Variants in MGMT observed in about 807,000 individuals in gnomAD.
MGMT encodes O-6-methylguanine-DNA methyltransferase.
MGMT carries 14 observed loss-of-function variants against 15.9 expected under a neutral mutation model. That is an observed-to-expected ratio of 0.88 (90% CI 0.58 to 1.37). The LOEUF (loss-of-function observed/expected upper bound fraction) is 1.37. MGMT is among the 40% of genes most tolerant of loss of function. The pLI, the probability that MGMT is intolerant of heterozygous loss-of-function variation, is 0.00. For missense variants in MGMT, 282 were observed against 268.1 expected, an observed-to-expected ratio of 1.05 and a Z score of -0.36; for synonymous variants, 130 against 118.2, an observed-to-expected ratio of 1.10 and a Z score of -0.65.
intron 4 of MGMT, among the ~76,000 whole-genome samples, chr10:129,761,764 G>T (rs1848876573): frequency 6.6e-6 from 1 of 152,178 alleles, no homozygotes; most frequent in African/African-American, 2.4e-5. Flanking sequence ...GCCCTTCTCG[G>T]CGTCCACATG....
At chr10:129,634,507 T>A (rs941082514) in intron 2 of MGMT, among the ~76,000 whole-genome samples, 3 of 152,180 alleles carry the variant, frequency 2.0e-5, no homozygotes, top group African/African-American at 7.2e-5. Flanking sequence ...TGATAATCCT[T>A]CCTTCCTTTC....
chr10:129,685,261 A>G (rs1847892732), intron 2 of MGMT, among the ~76,000 whole-genome samples: 1 of 152,248 alleles, frequency 6.6e-6, no homozygotes, highest in Admixed American at 6.5e-5. Flanking sequence ...AATGACTTGA[A>G]CAAGACTGCT....
chr10:129,537,154 GAAA>G (rs374288290), intron 2 of MGMT: 2 of 132,528 alleles, frequency 1.5e-5, no homozygotes, highest in Non-Finnish European at 3.3e-5. Context: ...AGAAGAAGAA[GAAA>G]AAAAAAACAC....
intron 4 of MGMT, among the ~76,000 whole-genome samples, chr10:129,766,287 A>G (rs1001478287): frequency 1.3e-5 from 2 of 152,186 alleles, no homozygotes. Flanking sequence ...TTGCAAAAGC[A>G]GGTGGTGGGC....
chr10:129,605,169 TGAAA>T (rs1447543903), intron 2 of MGMT, among the ~76,000 whole-genome samples: 2 of 152,186 alleles, frequency 1.3e-5, no homozygotes, highest in African/African-American at 4.8e-5. Context: ...TACTGGCCAT[TGAAA>T]GAAAGAAAAA....
At chr10:129,587,707 A>C (rs1846633784) in intron 2 of MGMT, among the ~76,000 whole-genome samples, 1 of 151,682 alleles carries the variant, frequency 6.6e-6, no homozygotes, top group African/African-American at 2.4e-5. Context: ...AAGTGCTGGG[A>C]TTACAGGTGT....
chr10:129,630,191 C>G (rs577262481), intron 2 of MGMT, among the ~76,000 whole-genome samples: 3 of 152,308 alleles, frequency 2.0e-5, no homozygotes, highest in African/African-American at 4.8e-5. Context: ...CAACATCTCC[C>G]CCTTAGGAGC....
intron 2 of MGMT, among the ~76,000 whole-genome samples, chr10:129,642,855 C>T (rs573109828): frequency 2.8e-4 from 43 of 152,076 alleles, no homozygotes; most frequent in South Asian, 1.0e-3. Flanking sequence ...CCACCTGAGC[C>T]CCGAAGTTCA....
At chr10:129,523,829 G>A (rs1003075196) in intron 1 of MGMT, among the ~76,000 whole-genome samples, 1 of 152,184 alleles carries the variant, frequency 6.6e-6, no homozygotes, top group Non-Finnish European at 1.5e-5. Flanking sequence ...CTGGACTCAC[G>A]AGATTGTGTG....
At chr10:129,595,810 C>T (rs138875252) in intron 2 of MGMT, among the ~76,000 whole-genome samples, 451 of 152,194 alleles carry the variant, frequency 3.0e-3, no homozygotes, top group Middle Eastern at 6.8e-3. Flanking sequence ...CTGATGGTCA[C>T]GAGCCGTCGG....
chr10:129,767,862 C>T lies in MGMT; in HGVS notation c.*865C>T, dbSNP rs560905487. On this transcript the variant is annotated 3_prime_UTR_variant, in exon 5 of 5. Transcript: ENST00000651593. ...AGTCAAAGGTCACGACTGTGGGGGG[C>T]CAGCTCATGTCACTGATGGCAGCAG... 1.8e-3 allele frequency: 271 copies of T among 152,360 alleles called. No individual in the cohort carries two copies. Among genetic ancestry groups the T allele is most frequent in the Non-Finnish European group, 3.3e-3 (225 of 68,086 alleles). The allele number at this position is 152,360 out of a possible 1,614,324, so 9.4% of individuals were successfully genotyped here. A position where few individuals can be genotyped will look rare whatever the true frequency, so the allele number is the denominator to read the frequency against.
chr10:129,740,153 T>C (rs1848614442), intron 3 of MGMT, among the ~76,000 whole-genome samples: 1 of 152,178 alleles, frequency 6.6e-6, no homozygotes, highest in African/African-American at 2.4e-5. Context: ...GAAGTCGGGG[T>C]CCGGGAAAGG....
Position 129,627,497 on chromosome 10 carries a change from T to C in MGMT, c.126-80398T>C, listed in dbSNP as rs143362082. Among the ~76,000 whole-genome samples, 348 of 152,352 alleles carry C rather than the reference T, an allele frequency of 2.3e-3. 1 individual carries two copies. Among genetic ancestry groups the C allele is most frequent in the African/African-American group, 7.9e-3 (328 of 41,572 alleles). ...CCCGAGTGTATGATGGTAGTGACTTTGGTGTTCCTGGTGCAGACCTGTATT... is the reference window on the plus strand; with the variant it reads ...CCCGAGTGTATGATGGTAGTGACTTCGGTGTTCCTGGTGCAGACCTGTATT... On this transcript the variant is annotated intron_variant, in intron 2 of 4. Coordinates refer to ENST00000651593, the MANE Select transcript of MGMT (RefSeq NM_002412.5).
intron 2 of MGMT, among the ~76,000 whole-genome samples, chr10:129,672,452 A>G (rs1460564573): frequency 1.3e-5 from 2 of 152,092 alleles, no homozygotes. Flanking sequence ...ATTCCCTTGA[A>G]TTTCCTTCTT....
At chr10:129,631,972 A>G (rs1262611214) in intron 2 of MGMT, among the ~76,000 whole-genome samples, 1 of 152,190 alleles carries the variant, frequency 6.6e-6, no homozygotes, top group Admixed American at 6.5e-5. Flanking sequence ...CCTGGGCTGT[A>G]GCAGTCCTCC....
chr10:129,720,236 T>C (rs1427700386), intron 3 of MGMT, among the ~76,000 whole-genome samples: 2 of 152,242 alleles, frequency 1.3e-5, no homozygotes, highest in African/African-American at 4.8e-5. Context: ...CCCTACTCAC[T>C]GTTAAGCTCT....
intron 1 of MGMT, among the ~76,000 whole-genome samples, chr10:129,522,327 A>C (rs1405049132): frequency 6.6e-6 from 1 of 152,306 alleles, no homozygotes; most frequent in African/African-American, 2.4e-5. Flanking sequence ...GGACACAGGT[A>C]ATGCCTTTGC....
chr10:129,740,142 A>G (rs1430825150), intron 3 of MGMT, among the ~76,000 whole-genome samples: 1 of 152,262 alleles, frequency 6.6e-6, no homozygotes, highest in Non-Finnish European at 1.5e-5. Flanking sequence ...GTGTGGAGTT[A>G]GAAGTCGGGG....
rs141390585 is a variant in MGMT at position 129,720,891 on chromosome 10, C to T, written c.274+12848C>T. ...GAGAGCTCAGGGCATGGACCCCAAA[C>T]GCTTGGGTCTCTCCTCTTCCCTCTT... is the stretch of plus-strand genomic sequence containing the variant. On this transcript the variant is annotated intron_variant, in intron 3 of 4. Transcript: ENST00000651593. 9.0e-3 allele frequency among the ~76,000 whole-genome samples: 1,364 copies of T among 151,668 alleles called. 19 individuals carry two copies. The highest frequency in any genetic ancestry group is 0.03 in the African/African-American group (1,229 of 41,280).
Sources: gnomAD v4.1 joint callset for allele counts (sites outside exome capture counted in the v4.1 genomes callset) on GRCh38, gnomAD v4.1.1 for gene constraint, MANE v1.5 for transcripts, NCBI Gene and HGNC (gene_info 2026-07-23, HGNC 2026-07-21) for gene names.